INPP4A: variants seen among roughly 807,000 people sequenced by gnomAD.
INPP4A encodes the protein inositol polyphosphate-4-phosphatase type I A.
In INPP4A, 33 loss-of-function variants were observed where a neutral mutation model predicts 119.8. The ratio of observed to expected loss-of-function variants is 0.28; its 90% CI spans 0.21 to 0.37. The LOEUF is 0.37. Ranked by LOEUF, INPP4A falls within the 10% of genes least tolerant of loss-of-function variation. The pLI is 1.00. For synonymous variants in INPP4A, 496 were observed against 500.7 expected (o/e 0.99, Z 0.12); for missense variants, 956 against 1,289.9 (o/e 0.74, Z 3.97).
intron 1 of INPP4A, among the ~76,000 whole-genome samples, chr2:98,445,890 CT>C (rs1439356101): frequency 6.6e-6 from 1 of 152,218 alleles, no homozygotes; most frequent in Non-Finnish European, 1.5e-5. Flanking sequence ...TTCTCTTTTG[CT>C]TTGCCACTGA....
chr2:98,512,552 GA>G (rs1242057292), intron 1 of INPP4A, among the ~76,000 whole-genome samples: 1 of 152,254 alleles, frequency 6.6e-6, no homozygotes, highest in African/African-American at 2.4e-5. Flanking sequence ...TGGAAGAGTG[GA>G]AGGTGGAAGC....
intron 1 of INPP4A, among the ~76,000 whole-genome samples, chr2:98,495,250 A>G (rs1462134218): frequency 6.6e-6 from 1 of 152,238 alleles, no homozygotes; most frequent in African/African-American, 2.4e-5. Context: ...GAGAGGACAC[A>G]GATGTTGGGC....
intron 11 of INPP4A, 43 bp downstream of exon 11, chr2:98,544,050 C>T: frequency 6.7e-7 from 1 of 1,491,200 alleles, no homozygotes; most frequent in Non-Finnish European, 9.1e-7. Flanking sequence ...CGTGCGCACA[C>T]ACACACACAC....
intron 1 of INPP4A, among the ~76,000 whole-genome samples, chr2:98,458,971 C>T (rs1013168659): frequency 2.0e-5 from 3 of 152,198 alleles, no homozygotes; most frequent in African/African-American, 7.2e-5. Context: ...ATGGTAGCCA[C>T]CACACGCCCA....
Position 98,593,496 on chromosome 2 carries a change from C to T in INPP4A, c.*5888C>T, listed in dbSNP as rs1270281230. ...TCCCTTTCTCACTTAAGATGATCTT[C>T]CTGAAAAATCTTACACATTCCTGTT... On this transcript the variant is annotated 3_prime_UTR_variant, in exon 25 of 25. Transcript: ENST00000409851. 1.3e-5 allele frequency: 2 copies of T among 152,202 alleles called. No individual in the cohort carries two copies. The highest frequency in any genetic ancestry group is 4.8e-5 in the African/African-American group (2 of 41,428). 9.4% of individuals were successfully genotyped at this position (152,202 alleles called of 1,614,324 possible).
chr2:98,548,909 T>G, intron 13 of INPP4A: 6 of 1,575,632 alleles, frequency 3.8e-6, no homozygotes, highest in Non-Finnish European at 5.2e-6. Context: ...ATTTGGTATT[T>G]GCTAACAAAC....
intron 1 of INPP4A, among the ~76,000 whole-genome samples, chr2:98,510,622 A>G (rs1031216801): frequency 1.3e-5 from 2 of 152,196 alleles, no homozygotes; most frequent in Admixed American, 1.3e-4. Flanking sequence ...TTCATACAGC[A>G]CTAATCCCAC....
chr2:98,499,990 T>C (rs1000430535), intron 1 of INPP4A, among the ~76,000 whole-genome samples: 1 of 152,174 alleles, frequency 6.6e-6, no homozygotes, highest in South Asian at 2.1e-4. Flanking sequence ...AAGATGTCAG[T>C]GGCAGACTCA....
intron 1 of INPP4A, among the ~76,000 whole-genome samples, chr2:98,448,996 C>A (rs941781097): frequency 2.0e-5 from 3 of 152,166 alleles, no homozygotes; most frequent in Non-Finnish European, 4.4e-5. Flanking sequence ...AGCCACTGTG[C>A]CCGAATAATG....
At chr2:98,586,041 G>A (rs997076745) in intron 24 of INPP4A, among the ~76,000 whole-genome samples, 3 of 152,204 alleles carry the variant, frequency 2.0e-5, no homozygotes, top group African/African-American at 4.8e-5. Flanking sequence ...GTGGAAGTAC[G>A]TTTTTGATTA....
Position 98,537,918 on chromosome 2 carries a change from G to GAGAAGTCAGACC in INPP4A, c.525_536dup (p.Lys176_Gln179dup). On this transcript the variant is annotated inframe_insertion, in exon 8 of 25. Transcript: ENST00000409851. ...CACCGTGATTGGCTGGCAGATGGAG[G>GAGAAGTCAGACC]AGAAGTCAGACCAACGGCCCCCTGT... 6.2e-7 allele frequency: 1 copy of GAGAAGTCAGACC among 1,613,310 alleles called. No individual in the cohort carries two copies. The highest frequency in any genetic ancestry group is 8.5e-7 in the Non-Finnish European group (1 of 1,179,626).
At chr2:98,572,975 G>A (rs752911712) in intron 23 of INPP4A, 48 bp downstream of exon 23, 34 of 1,321,012 alleles carry the variant, frequency 2.6e-5, no homozygotes, top group Non-Finnish European at 3.2e-6. Context: ...GCCCACAGCT[G>A]AACGTCATGA....
chr2:98,478,894 G>A (rs959347825), intron 1 of INPP4A, among the ~76,000 whole-genome samples: 5 of 152,118 alleles, frequency 3.3e-5, no homozygotes, highest in African/African-American at 4.8e-5. Context: ...AGATTGTTAG[G>A]ACTTAACTGG....
At chr2:98,551,440 T>G (rs1377173269) in intron 13 of INPP4A, among the ~76,000 whole-genome samples, 2 of 152,166 alleles carry the variant, frequency 1.3e-5, no homozygotes, top group Non-Finnish European at 2.9e-5. Context: ...CATCCATTGT[T>G]TTTTACTGTG....
At chr2:98,563,414 A>G (rs932249166) in intron 17 of INPP4A, 51 bp from the exon 18 acceptor site, 48 of 1,543,530 alleles carry the variant, frequency 3.1e-5, no homozygotes, top group Middle Eastern at 1.7e-4. Context: ...GCCAGAACCT[A>G]ATTCTTAAAA....
rs965303354 is a variant in INPP4A at position 98,588,146 on chromosome 2, C to G, written c.*538C>G. 4 of 210,554 alleles carry G rather than the reference C, an allele frequency of 1.9e-5. No homozygotes were observed. Among genetic ancestry groups the G allele is most frequent in the African/African-American group, 9.1e-5 (4 of 44,034 alleles). 13.0% of individuals were successfully genotyped at this position (210,554 alleles called of 1,614,324 possible). A position where few individuals can be genotyped will look rare whatever the true frequency, so the allele number is the denominator to read the frequency against. On this transcript the variant is annotated 3_prime_UTR_variant, in exon 25 of 25. Transcript: ENST00000409851. ...GAATAACGGGTTCTAGTGAATTATC[C>G]TATCTACACTACCACCTGAAGAAGT...
intron 1 of INPP4A, among the ~76,000 whole-genome samples, chr2:98,508,896 G>A (rs1187695542): frequency 6.6e-6 from 1 of 152,156 alleles, no homozygotes; most frequent in Non-Finnish European, 1.5e-5. Flanking sequence ...ATCAAATGAC[G>A]AATGAGGCCT....
chr2:98,457,973 C>CA (rs772904603), intron 1 of INPP4A, among the ~76,000 whole-genome samples: 27,455 of 139,382 alleles, frequency 0.2, 2,094 homozygotes, highest in Middle Eastern at 0.27. Flanking sequence ...GCTAATTAAA[C>CA]AAAAATTTTT....
chr2:98,582,876 A>C (rs1032652670), intron 24 of INPP4A, among the ~76,000 whole-genome samples: 1 of 152,108 alleles, frequency 6.6e-6, no homozygotes, highest in African/African-American at 2.4e-5. Context: ...AAACAGAAAG[A>C]TCGCCTACTG....
Sources: allele counts gnomAD v4.1 joint callset (sites outside exome capture counted in the v4.1 genomes callset), GRCh38; gene constraint gnomAD v4.1.1; transcripts MANE v1.5; gene names NCBI Gene and HGNC (gene_info 2026-07-23, HGNC 2026-07-21).